Variants in ERCC4 observed in about 807,000 individuals in gnomAD.
ERCC4 encodes ERCC excision repair 4, endonuclease catalytic subunit.
A neutral mutation model predicts 76.9 loss-of-function variants in ERCC4; 65 were observed. The observed-to-expected ratio is 0.84, with a 90% CI of 0.69 to 1.04. The LOEUF is 1.04. Ranked by LOEUF, ERCC4 falls within the 50% of genes least tolerant of loss-of-function variation. The pLI is 0.00. For missense variants in ERCC4, 1,214 were observed against 1,128.2 expected, an observed-to-expected ratio of 1.08 and a Z score of -1.09; for synonymous variants, 463 against 410.1, an observed-to-expected ratio of 1.13 and a Z score of -1.56.
intron 2 of ERCC4, among the ~76,000 whole-genome samples, chr16:13,925,321 A>G (rs1332034606): frequency 6.6e-6 from 1 of 152,184 alleles, no homozygotes; most frequent in East Asian, 1.9e-4. Flanking sequence ...ACTCTACGTA[A>G]TATTTCAATC....
intron 9 of ERCC4, among the ~76,000 whole-genome samples, chr16:13,939,377 A>T (rs2032369114): frequency 6.6e-6 from 1 of 152,170 alleles, no homozygotes; most frequent in Non-Finnish European, 1.5e-5. Context: ...ACATTAAATT[A>T]TTATAAATAT....
chr16:13,951,204 G>A lies in ERCC4; in HGVS notation c.*2857G>A, dbSNP rs2032623804. Reference sequence around the variant, plus strand: ...AATAATCTTTGGTAAAGGAACTAGAGATGCATGCAGTTGCAAAATTAATGT... The same window carrying A: ...AATAATCTTTGGTAAAGGAACTAGAAATGCATGCAGTTGCAAAATTAATGT... On this transcript the variant is annotated 3_prime_UTR_variant, in exon 11 of 11. Coordinates refer to ENST00000311895, the MANE Select transcript of ERCC4 (RefSeq NM_005236.3). The A allele has an allele frequency of 5.4e-6, 1 of 184,632 alleles. No individual in the cohort carries two copies. Among genetic ancestry groups the A allele is most frequent in the Non-Finnish European group, 1.1e-5 (1 of 87,140 alleles). The allele number at this position is 184,632 out of a possible 1,614,324, so 11.4% of individuals were successfully genotyped here.
Position 13,948,169 on chromosome 16 carries a change from T to A in ERCC4, c.2573T>A (p.Val858Glu). The A allele has an allele frequency of 6.2e-7, 1 of 1,613,824 alleles. No individual in the cohort carries two copies. The highest frequency in any genetic ancestry group is 8.5e-7 in the Non-Finnish European group (1 of 1,179,994). ...PQDFLLKMPG[V>E]NAKNCRSLMH... is the part of the protein sequence containing the mutation. ...GACTTCTTGTTAAAAATGCCAGGGGTGAATGCCAAAAACTGCCGCTCCTTG... is the reference window on the plus strand; with the variant it reads ...GACTTCTTGTTAAAAATGCCAGGGGAGAATGCCAAAAACTGCCGCTCCTTG... Residue 858 changes from valine to glutamate, a missense_variant, in exon 11 of 11, where the codon GTG (valine) becomes GAG (glutamate). Val to Glu is a moderately radical substitution (Grantham distance 121). Coordinates refer to ENST00000311895, the MANE Select transcript of ERCC4 (RefSeq NM_005236.3).
chr16:13,940,886 A>C (rs767461783), intron 9 of ERCC4, among the ~76,000 whole-genome samples: 6 of 152,186 alleles, frequency 3.9e-5, no homozygotes, highest in Non-Finnish European at 7.3e-5. Context: ...CTGCTGAGTT[A>C]ATCCTTTCCT....
chr16:13,937,661 T>G, intron 8 of ERCC4, 105 bp from the exon 9 acceptor site: 1 of 755,618 alleles, frequency 1.3e-6, no homozygotes, highest in Non-Finnish European at 2.4e-6. Context: ...AGTCAAATAT[T>G]TGTTATTTGA....
intron 4 of ERCC4, among the ~76,000 whole-genome samples, chr16:13,928,822 A>C (rs2032118989): frequency 6.6e-6 from 1 of 152,158 alleles, no homozygotes; most frequent in Non-Finnish European, 1.5e-5. Context: ...CTAGTATTGA[A>C]TTGGAGATCC....
At chr16:13,946,739 T>TA (rs1555469406) in intron 10 of ERCC4, among the ~76,000 whole-genome samples, 4 of 151,412 alleles carry the variant, frequency 2.6e-5, no homozygotes, top group African/African-American at 9.8e-5. Context: ...ATACAACATC[T>TA]GTTTTTTTGT....
At chr16:13,941,877 G>C (rs991743340) in intron 9 of ERCC4, among the ~76,000 whole-genome samples, 2 of 152,146 alleles carry the variant, frequency 1.3e-5, no homozygotes, top group African/African-American at 2.4e-5. Context: ...TTCTAGTTCA[G>C]TGCTACTTTC....
rs1342538202 is a variant in ERCC4 at position 13,951,881 on chromosome 16, C to G, written c.*3534C>G. The G allele has an allele frequency of 4.6e-6, 1 of 219,304 alleles. No individual in the cohort carries two copies. Among genetic ancestry groups the G allele is most frequent in the Non-Finnish European group, 9.1e-6 (1 of 109,404 alleles). The allele number at this position is 219,304 out of a possible 1,614,324, so 13.6% of individuals were successfully genotyped here. ...ACCTAGAAAGGTCCTCTTGAAAAAC[C>G]AACATTTTAGGAAAGTTCTTTTTTC... On this transcript the variant is annotated 3_prime_UTR_variant, in exon 11 of 11. Coordinates refer to ENST00000311895, the MANE Select transcript of ERCC4 (RefSeq NM_005236.3).
chr16:13,935,481 G>C lies in ERCC4; in HGVS notation c.1549G>C (p.Glu517Gln). The C allele has an allele frequency of 6.2e-7, 1 of 1,614,206 alleles. No homozygotes were observed. Among genetic ancestry groups the C allele is most frequent in the Non-Finnish European group, 8.5e-7 (1 of 1,180,036 alleles). Residue 517 changes from glutamate (E) to glutamine (Q), a missense_variant, in exon 8 of 11, where the codon GAA becomes CAA. By Grantham distance (29) the Glu-to-Gln change is conservative. Coordinates refer to ENST00000311895, the MANE Select transcript of ERCC4 (RefSeq NM_005236.3). The part of the protein sequence containing the change: ...EGDVEEGYRR[E>Q]ISSSPESCPE... ...AGATGTCGAGGAAGGATATCGTCGAGAAATAAGCAGTAGCCCAGAAAGCTG... is the reference window on the plus strand; with the variant it reads ...AGATGTCGAGGAAGGATATCGTCGACAAATAAGCAGTAGCCCAGAAAGCTG...
At chr16:13,922,733 TC>T (rs1480852946) in intron 2 of ERCC4, 5 of 347,686 alleles carry the variant, frequency 1.4e-5, no homozygotes, top group Admixed American at 4.1e-5. Flanking sequence ...TTTGTCTGTC[TC>T]CTCTGCTGAA....
At chr16:13,927,771 G>C (rs185436121) in intron 3 of ERCC4, 7 of 464,624 alleles carry the variant, frequency 1.5e-5, no homozygotes, top group African/African-American at 1.4e-4. Flanking sequence ...CTGCATTCCA[G>C]TGAGACTATA....
rs766946690 is a variant in ERCC4, at chr16:13,948,217, C to A, written c.2621C>A (p.Ala874Glu). ...RSLMHHVKNI[A>E]ELAALSQDEL... ...TTGATGCACCACGTTAAGAACATCG[C>A]AGAATTAGCAGCCCTGTCACAAGAC... The change falls in exon 11 of 11, where the codon GCA becomes GAA. Residue 874 changes from alanine (A) to glutamate (E), a missense_variant. Physicochemically the swap from Ala to Glu is moderately radical, Grantham distance 107. Coordinates refer to ENST00000311895, the MANE Select transcript of ERCC4 (RefSeq NM_005236.3). 6.2e-7 allele frequency: 1 copy of A among 1,614,152 alleles called. No individual in the cohort carries two copies. Among genetic ancestry groups the A allele is most frequent in the Admixed American group, 1.7e-5 (1 of 60,026 alleles).
chr16:13,947,817 C>T lies in ERCC4; in HGVS notation c.2221C>T (p.Leu741Phe). The change falls in exon 11 of 11, where the codon CTC becomes TTC. Residue 741 changes from leucine (L) to phenylalanine (F), a missense_variant. Coordinates refer to ENST00000311895, the MANE Select transcript of ERCC4 (RefSeq NM_005236.3). The part of the protein sequence containing the change: ...DLIGSLNNGR[L>F]YSQCISMSRY... ...AATCGGCTCTTTAAATAACGGCCGC[C>T]TCTACAGCCAGTGCATCTCCATGTC... The T allele has an allele frequency of 6.2e-7, 1 of 1,614,194 alleles. No homozygotes were observed. Among genetic ancestry groups the T allele is most frequent in the South Asian group, 1.1e-5 (1 of 91,082 alleles).
chr16:13,951,553 T>C lies in ERCC4; in HGVS notation c.*3206T>C, dbSNP rs1324313116. 1 of 212,392 alleles carries C rather than the reference T, an allele frequency of 4.7e-6. No individual in the cohort carries two copies. The highest frequency in any genetic ancestry group is 9.5e-6 in the Non-Finnish European group (1 of 104,950). The allele number at this position is 212,392 out of a possible 1,614,324, so 13.2% of individuals were successfully genotyped here. On this transcript the variant is annotated 3_prime_UTR_variant, in exon 11 of 11. Transcript: ENST00000311895. ...TCAGCCTGAAGCTCGGTAGACAATA[T>C]GTCTACATGTGTTTGAGTACATCCT...
rs2032251397 is a variant in ERCC4 at position 13,934,844 on chromosome 16, G to C, written c.1214-302G>C. 3.6e-5 allele frequency: 11 copies of C among 308,762 alleles called. No individual in the cohort carries two copies. In the East Asian group the frequency reaches 6.2e-4, roughly 17 times the overall value. 19.1% of individuals were successfully genotyped at this position (308,762 alleles called of 1,614,324 possible). ...TTGGAATTAATTTAGGCATATATGA[G>C]ATCCTCTGGAAAAAAATATTAATTA... On this transcript the variant is annotated intron_variant, in intron 7 of 10. Transcript: ENST00000311895.
rs2032638843 is a variant in ERCC4 at position 13,952,158 on chromosome 16, T to A, written c.*3811T>A. 5.3e-6 allele frequency: 1 copy of A among 187,508 alleles called. No homozygotes were observed. The highest frequency in any genetic ancestry group is 1.9e-4 in the South Asian group (1 of 5,134). The allele number at this position is 187,508 out of a possible 1,614,324, so 11.6% of individuals were successfully genotyped here. ...TTATATGAATTTTAACAGAGTTGTA[T>A]TTGTGTGTGTTTAATAAAATATATA... is the stretch of plus-strand genomic sequence containing the variant. On this transcript the variant is annotated 3_prime_UTR_variant, in exon 11 of 11. Transcript: ENST00000311895.
In ERCC4 at chr16:13,920,436, G is replaced by T. The variant is rs2141937675; in HGVS notation, c.207+64G>T. ...AGTGTTGAGGGCCTCCTGAGCGGAT[G>T]CGAGGCCTCTGACAGGGATGGAGGG... On this transcript the variant is annotated intron_variant, in intron 1 of 10. Coordinates refer to ENST00000311895, the MANE Select transcript of ERCC4 (RefSeq NM_005236.3). 18 of 1,400,484 alleles carry T rather than the reference G, an allele frequency of 1.3e-5. No individual in the cohort carries two copies. In the South Asian group the frequency reaches 2.2e-4, roughly 17 times the overall value. 86.8% of individuals were successfully genotyped at this position (1,400,484 alleles called of 1,614,324 possible).
intron 9 of ERCC4, among the ~76,000 whole-genome samples, chr16:13,940,971 G>A (rs577288045): frequency 2.0e-5 from 3 of 152,128 alleles, no homozygotes; most frequent in Non-Finnish European, 2.9e-5. Context: ...TTCTTGCTTC[G>A]CCTGTCTTCA....
Sources: gnomAD v4.1 joint callset for allele counts (sites outside exome capture counted in the v4.1 genomes callset) on GRCh38, gnomAD v4.1.1 for gene constraint, MANE v1.5 for transcripts, NCBI Gene and HGNC (gene_info 2026-07-23, HGNC 2026-07-21) for gene names.